TNFSF8: variants seen among roughly 807,000 people sequenced by gnomAD.
TNFSF8 encodes the protein tumor necrosis factor ligand superfamily member 8.
Under a neutral mutation model 22.0 loss-of-function variants are expected in TNFSF8, and 4 were observed. The observed-to-expected ratio is 0.18, with a 90% CI of 0.09 to 0.42. The LOEUF is 0.42. TNFSF8 is among the 10% of genes least tolerant of loss of function. TNFSF8 has a pLI of 1.00. For synonymous variants in TNFSF8, 106 were observed against 112.5 expected (o/e 0.94, Z 0.37); for missense variants, 233 against 281.8 (o/e 0.83, Z 1.24).
At chr9:114,924,878 T>C (rs533253434) in intron 1 of TNFSF8, among the ~76,000 whole-genome samples, 2 of 152,250 alleles carry the variant, frequency 1.3e-5, no homozygotes, top group African/African-American at 4.8e-5. Flanking sequence ...ACTGGGGACC[T>C]CCCCACATAA....
rs1827729881 is a variant in TNFSF8 at position 114,902,506 on chromosome 9, A to T, written c.*1425T>A. 1.0e-6 allele frequency: 1 copy of T among 985,336 alleles called. No homozygotes were observed. Among genetic ancestry groups the T allele is most frequent in the Admixed American group, 6.2e-5 (1 of 16,260 alleles). The allele number at this position is 985,336 out of a possible 1,614,324, so 61.0% of individuals were successfully genotyped here. A position where few individuals can be genotyped will look rare whatever the true frequency, so the allele number is the denominator to read the frequency against. ...GGCCTCGTCAGATGGTTTCCCAAAC[A>T]CCCAGATGGTCTCTTAGATTCTGGA... On this transcript the variant is annotated 3_prime_UTR_variant, in exon 4 of 4. Transcript: ENST00000223795.
chr9:114,921,612 T>C (rs1374593153), intron 1 of TNFSF8, among the ~76,000 whole-genome samples: 2 of 152,206 alleles, frequency 1.3e-5, no homozygotes, highest in Non-Finnish European at 2.9e-5. Context: ...TTACACTAAG[T>C]GTTGTTCACC....
Position 114,915,257 on chromosome 9 carries a change from G to T in TNFSF8, c.238+2839C>A, listed in dbSNP as rs977984708. On this transcript the variant is annotated intron_variant, in intron 2 of 3. Transcript: ENST00000223795. ...CAGATTTCCTTGAGATTTTTGTTAG[G>T]TTTTTTTTCTTCTATTTTTACATAT... is the stretch of plus-strand genomic sequence containing the variant. Among the ~76,000 whole-genome samples, 34 of 152,038 alleles carry T rather than the reference G, an allele frequency of 2.2e-4. 1 individual carries two copies. The highest frequency in any genetic ancestry group is 6.5e-4 in the African/African-American group (27 of 41,484).
intron 1 of TNFSF8, among the ~76,000 whole-genome samples, chr9:114,925,018 C>T (rs754500704): frequency 1.4e-4 from 22 of 152,180 alleles, no homozygotes; most frequent in Non-Finnish European, 2.6e-4. Context: ...ATAACTTCTT[C>T]TTGTGCCGAA....
chr9:114,899,445 G>A (rs891092328), downstream of TNFSF8, among the ~76,000 whole-genome samples: 3 of 151,030 alleles, frequency 2.0e-5, no homozygotes, highest in African/African-American at 7.3e-5. Context: ...TATACATTGA[G>A]TGACAATCTT....
At chr9:114,901,066 G>A, downstream of TNFSF8, 2 of 985,252 alleles carry the variant, frequency 2.0e-6, no homozygotes, top group Non-Finnish European at 2.4e-6. Context: ...GTGGGGAGGT[G>A]GGGTTCAGAG....
At chr9:114,896,749 A>G (rs1343755536), downstream of TNFSF8, among the ~76,000 whole-genome samples, 1 of 152,162 alleles carries the variant, frequency 6.6e-6, no homozygotes, top group Non-Finnish European at 1.5e-5. Flanking sequence ...CAAATATACC[A>G]CACCTTGCTC....
downstream of TNFSF8, chr9:114,900,995 C>T (rs141728179): frequency 2.0e-6 from 2 of 983,892 alleles, no homozygotes; most frequent in African/African-American, 1.8e-5. Flanking sequence ...TTTGTGAGCT[C>T]ACTTACCATC....
At chr9:114,909,171 A>G (rs1827822112) in intron 2 of TNFSF8, among the ~76,000 whole-genome samples, 1 of 152,194 alleles carries the variant, frequency 6.6e-6, no homozygotes, top group Non-Finnish European at 1.5e-5. Flanking sequence ...TGAACATTTC[A>G]TGGGTCATCA....
chr9:114,908,015 T>C (rs919194398), intron 2 of TNFSF8, among the ~76,000 whole-genome samples: 1 of 152,170 alleles, frequency 6.6e-6, no homozygotes, highest in Admixed American at 6.5e-5. Flanking sequence ...CATTTAGGAA[T>C]GTTGATTTAT....
intron 4 of TNFSF8, chr9:114,894,271 A>G (rs925182763): frequency 1.1e-6 from 1 of 904,794 alleles, no homozygotes; most frequent in Non-Finnish European, 1.7e-6. Context: ...AGGCAAATGT[A>G]CAATCATGCT....
At chr9:114,929,883 ATATAT>A (rs1009087738) in intron 1 of TNFSF8, among the ~76,000 whole-genome samples, 1 of 147,784 alleles carries the variant, frequency 6.8e-6, no homozygotes, top group African/African-American at 2.5e-5. Flanking sequence ...TCATATATAT[ATATAT>A]ATATAATATA....
At chr9:114,908,302 A>C (rs147179166) in intron 2 of TNFSF8, among the ~76,000 whole-genome samples, 1 of 152,332 alleles carries the variant, frequency 6.6e-6, no homozygotes, top group Non-Finnish European at 1.5e-5. Flanking sequence ...AGTACTTAGG[A>C]CAACAGTGAG....
chr9:114,908,619 T>C (rs577071991), intron 2 of TNFSF8, among the ~76,000 whole-genome samples: 2 of 151,698 alleles, frequency 1.3e-5, no homozygotes, highest in East Asian at 1.9e-4. Context: ...TTGACCTCAG[T>C]TGTAATTCTG....
At chr9:114,908,703 A>G (rs1246935736) in intron 2 of TNFSF8, among the ~76,000 whole-genome samples, 1 of 152,162 alleles carries the variant, frequency 6.6e-6, no homozygotes. Context: ...ATGGCATGGT[A>G]TATTTTAGTT....
In TNFSF8 at chr9:114,904,052, A is replaced by T. The variant is rs1300150551; in HGVS notation, c.584T>A (p.Leu195Gln). Reference sequence around the variant, plus strand: ...GGTGGTGTTGACCTGCAGGTAATCCAGCAAGAATTGAGAGAGATTCTGGTA... The same window carrying T: ...GGTGGTGTTGACCTGCAGGTAATCCTGCAAGAATTGAGAGAGATTCTGGTA... ...HVYQNLSQFL[L>Q]DYLQVNTTIS... The change falls in exon 4 of 4, where the codon CTG (leucine) becomes CAG (glutamine). Residue 195 changes from leucine to glutamine, a missense_variant. Physicochemically the swap from Leu to Gln is moderately radical, Grantham distance 113 (BLOSUM62 -2). Transcript: ENST00000223795. 6.2e-7 allele frequency: 1 copy of T among 1,614,170 alleles called. No homozygotes were observed. Among genetic ancestry groups the T allele is most frequent in the South Asian group, 1.1e-5 (1 of 91,086 alleles).
chr9:114,900,184 A>G (rs558516667), downstream of TNFSF8, among the ~76,000 whole-genome samples: 2 of 152,340 alleles, frequency 1.3e-5, no homozygotes, highest in East Asian at 3.9e-4. Flanking sequence ...GATGTGGACA[A>G]GAACTAAAAG....
At position 114,902,973 on chromosome 9, in the gene TNFSF8, AG is replaced by A. The variant is rs909487539; in HGVS notation, c.*957del. 3 of 156,676 alleles carry A rather than the reference AG, an allele frequency of 1.9e-5. No individual in the cohort carries two copies. The highest frequency in any genetic ancestry group is 2.8e-5 in the Non-Finnish European group (2 of 72,140). The allele number at this position is 156,676 out of a possible 1,614,324, so 9.7% of individuals were successfully genotyped here. On this transcript the variant is annotated 3_prime_UTR_variant, in exon 4 of 4. Coordinates refer to ENST00000223795, the MANE Select transcript of TNFSF8 (RefSeq NM_001244.4). The stretch of plus-strand genomic sequence containing the variant: ...TATACCACACCTCTGGCCAGAGACA[AG>A]AACTTAGAGGCATCTTTCCTGCCTA...
chr9:114,928,482 C>T (rs1828091087), intron 1 of TNFSF8, among the ~76,000 whole-genome samples: 1 of 152,212 alleles, frequency 6.6e-6, no homozygotes, highest in South Asian at 2.1e-4. Context: ...CTGAAGTTCT[C>T]TCTAGCTTTA....
Sources: allele counts gnomAD v4.1 joint callset (sites outside exome capture counted in the v4.1 genomes callset), GRCh38; gene constraint gnomAD v4.1.1; transcripts MANE v1.5; gene names NCBI Gene and HGNC (gene_info 2026-07-23, HGNC 2026-07-21).